ATF2: variants seen among roughly 807,000 people sequenced by gnomAD.
The protein encoded by ATF2 is activating transcription factor 2.
Under a neutral mutation model 60.6 loss-of-function variants are expected in ATF2, and 24 were observed. The observed-to-expected ratio is 0.40, with a 90% CI of 0.29 to 0.56. The LOEUF (loss-of-function observed/expected upper bound fraction) is 0.56. ATF2 is among the 20% of genes least tolerant of loss of function. The pLI is 0.54. For missense variants in ATF2, 433 were observed against 607.7 expected, an observed-to-expected ratio of 0.71 and a Z score of 3.02; for synonymous variants, 206 against 215.4, an observed-to-expected ratio of 0.96 and a Z score of 0.38.
At chr2:175,117,911 C>T (rs1696694966) in intron 7 of ATF2, 79 bp downstream of exon 7, 2 of 1,415,204 alleles carry the variant, frequency 1.4e-6, no homozygotes, top group Admixed American at 4.8e-5. Flanking sequence ...AATACATTAA[C>T]ATTTTATGGA....
rs891348913 is a variant in ATF2 at position 175,111,642 on chromosome 2, C to T, written c.754G>A (p.Val252Ile). The change falls in exon 10 of 14, where the codon GTC (valine) becomes ATC (isoleucine). Residue 252 changes from valine (V) to isoleucine (I), a missense_variant. Val to Ile is a conservative substitution (Grantham distance 29, BLOSUM62 3). This residue lies in a region of ATF2 where 246 missense variants were observed against 309.3 expected (regional missense o/e 0.80). Transcript: ENST00000264110. ...CCTGGAACACTAGGCACCATGGTGACTGGTCGAACGAGCTATGCATGACAT... is the reference window on the plus strand; with the variant it reads ...CCTGGAACACTAGGCACCATGGTGATTGGTCGAACGAGCTATGCATGACAT... ...VPAAVPLVRP[V>I]TMVPSVPGIP... 1 of 1,613,492 alleles carries T rather than the reference C, an allele frequency of 6.2e-7. No homozygotes were observed. The highest frequency in any genetic ancestry group is 1.3e-5 in the African/African-American group (1 of 74,876).
At chr2:175,099,241 T>A (rs1331267783) in intron 10 of ATF2, among the ~76,000 whole-genome samples, 1 of 151,904 alleles carries the variant, frequency 6.6e-6, no homozygotes, top group Non-Finnish European at 1.5e-5. Flanking sequence ...GGAGCTGGGA[T>A]TACAGGTGCA....
chr2:175,075,771 A>G (rs2105518879), intron 13 of ATF2, among the ~76,000 whole-genome samples: 1 of 152,242 alleles, frequency 6.6e-6, no homozygotes, highest in East Asian at 1.9e-4. Flanking sequence ...GGTAATCACC[A>G]CTCTGACATT....
At chr2:175,161,483 G>A (rs1292657002) in intron 1 of ATF2, among the ~76,000 whole-genome samples, 1 of 152,186 alleles carries the variant, frequency 6.6e-6, no homozygotes, top group African/African-American at 2.4e-5. Flanking sequence ...TAAAGAGAAG[G>A]AAACTGAGGC....
At chr2:175,112,912 T>C (rs189261068) in intron 9 of ATF2, among the ~76,000 whole-genome samples, 192 of 152,332 alleles carry the variant, frequency 1.3e-3, no homozygotes, top group African/African-American at 4.3e-3. Context: ...AGCTACACTG[T>C]AAATGATTAC....
chr2:175,142,685 A>AAGAGAG (rs371270320), intron 2 of ATF2, among the ~76,000 whole-genome samples: 41 of 126,432 alleles, frequency 3.2e-4, no homozygotes, highest in African/African-American at 1.2e-3. Flanking sequence ...ACGCTGCCGA[A>AAGAGAG]AGAGAGAGAG....
intron 1 of ATF2, among the ~76,000 whole-genome samples, chr2:175,154,602 T>C (rs1699546298): frequency 6.6e-6 from 1 of 152,242 alleles, no homozygotes; most frequent in African/African-American, 2.4e-5. Context: ...ATTTTTTCCT[T>C]GTCTTAATGA....
intron 10 of ATF2, among the ~76,000 whole-genome samples, chr2:175,106,705 G>A (rs563724340): frequency 4.3e-4 from 65 of 151,746 alleles, no homozygotes; most frequent in Admixed American, 2.6e-3. Context: ...ATGTGGTGGC[G>A]GAAGCCTGTA....
intron 12 of ATF2, among the ~76,000 whole-genome samples, chr2:175,088,049 A>C (rs1191035679): frequency 6.6e-6 from 1 of 152,216 alleles, no homozygotes; most frequent in African/African-American, 2.4e-5. Context: ...GCATTTGCAC[A>C]GTGTAGTTAC....
At chr2:175,162,514 AAC>A (rs1306426064) in intron 1 of ATF2, among the ~76,000 whole-genome samples, 1 of 152,240 alleles carries the variant, frequency 6.6e-6, no homozygotes, top group Non-Finnish European at 1.5e-5. Context: ...ATCCTATAGA[AAC>A]AATTCATAAA....
At position 175,131,797 on chromosome 2, in the gene ATF2, T is replaced by G. The variant is rs115495232; in HGVS notation, c.33-1590A>C. Among the ~76,000 whole-genome samples, 1,035 of 152,268 alleles carry G rather than the reference T, an allele frequency of 6.8e-3. 11 individuals carry two copies. Among genetic ancestry groups the G allele is most frequent in the African/African-American group, 0.024 (978 of 41,556 alleles). On this transcript the variant is annotated intron_variant, in intron 3 of 13. Transcript: ENST00000264110. ...TTCTCAAACAGGATCCTCTACACTC[T>G]TAAAAATTTAGGCTCCCAAAGAACG...
chr2:175,140,251 G>C (rs1006545674), intron 2 of ATF2, among the ~76,000 whole-genome samples: 1 of 152,142 alleles, frequency 6.6e-6, no homozygotes, highest in Non-Finnish European at 1.5e-5. Context: ...TCTTGGATTT[G>C]CTCTTCTTTT....
intron 2 of ATF2, among the ~76,000 whole-genome samples, chr2:175,140,132 C>T: frequency 6.6e-6 from 1 of 152,126 alleles, no homozygotes; most frequent in South Asian, 2.1e-4. Context: ...CACAGATACA[C>T]ATAAGAAAAA....
chr2:175,159,763 A>G (rs1420118720), intron 1 of ATF2, among the ~76,000 whole-genome samples: 1 of 152,232 alleles, frequency 6.6e-6, no homozygotes, highest in Non-Finnish European at 1.5e-5. Flanking sequence ...GTTTAAAATT[A>G]TAATAGAATA....
chr2:175,089,013 T>C (rs1306150225), intron 12 of ATF2, among the ~76,000 whole-genome samples: 1 of 152,008 alleles, frequency 6.6e-6, no homozygotes, highest in Non-Finnish European at 1.5e-5. Context: ...GAAACCCATC[T>C]CTACTAAAAA....
intron 3 of ATF2, among the ~76,000 whole-genome samples, chr2:175,133,921 A>G (rs1697933701): frequency 6.6e-6 from 1 of 152,192 alleles, no homozygotes; most frequent in Non-Finnish European, 1.5e-5. Flanking sequence ...TATTTAACCT[A>G]ATACTAGGAA....
intron 12 of ATF2, among the ~76,000 whole-genome samples, chr2:175,091,634 G>T (rs892215958): frequency 6.6e-6 from 1 of 152,016 alleles, no homozygotes; most frequent in Admixed American, 6.6e-5. Flanking sequence ...AGGCTGAGGC[G>T]GGTGGATCAC....
At chr2:175,111,464 T>C (rs1696184228) in intron 10 of ATF2, 104 bp downstream of exon 10, 1 of 1,085,316 alleles carries the variant, frequency 9.2e-7, no homozygotes, top group Non-Finnish European at 1.3e-6. Context: ...GTCCGTAACT[T>C]TATAAAAATG....
At chr2:175,154,314 T>A (rs6728049) in intron 1 of ATF2, among the ~76,000 whole-genome samples, 14,112 of 151,520 alleles carry the variant, frequency 0.093, 706 homozygotes, top group Middle Eastern at 0.17. Context: ...AGCCTAGGCC[T>A]ACACAGGGTG....
Sources: gnomAD v4.1 joint callset for allele counts (sites outside exome capture counted in the v4.1 genomes callset) on GRCh38, gnomAD v4.1.1 for gene constraint, gnomAD v4.1.1 regional missense constraint, MANE v1.5 for transcripts, NCBI Gene and HGNC (gene_info 2026-07-23, HGNC 2026-07-21) for gene names.